Variants in SLC8A1 observed in about 807,000 individuals in gnomAD.
The protein encoded by SLC8A1 is solute carrier family 8 member A1, also known as sodium/calcium exchanger 1.
Under a neutral mutation model 68.3 loss-of-function variants are expected in SLC8A1, and 18 were observed. That is an observed-to-expected ratio of 0.26 (90% CI 0.18 to 0.39). The LOEUF (loss-of-function observed/expected upper bound fraction) is 0.39. Ranked by LOEUF, SLC8A1 falls within the 10% of genes least tolerant of loss-of-function variation. The probability of loss-of-function intolerance (pLI) is 1.00; values close to 1 mark genes in which losing one functional copy is unlikely to be tolerated. For synonymous variants in SLC8A1, 475 were observed against 415.5 expected, an observed-to-expected ratio of 1.14 and a Z score of -1.74; for missense variants, 985 against 1,156.7, an observed-to-expected ratio of 0.85 and a Z score of 2.15.
At chr2:40,197,291 G>T (rs556480791) in intron 2 of SLC8A1, among the ~76,000 whole-genome samples, 13 of 152,090 alleles carry the variant, frequency 8.5e-5, no homozygotes, top group African/African-American at 3.1e-4. Flanking sequence ...TATTTTCCCT[G>T]AGCTCAGAGA....
chr2:40,402,782 G>A (rs1003475525), intron 2 of SLC8A1, among the ~76,000 whole-genome samples: 2 of 152,170 alleles, frequency 1.3e-5, no homozygotes, highest in African/African-American at 4.8e-5. Flanking sequence ...AGGAAAGCTT[G>A]CAAGTGTCTG....
chr2:40,364,886 A>T (rs1012516227), intron 2 of SLC8A1, among the ~76,000 whole-genome samples: 1 of 152,064 alleles, frequency 6.6e-6, no homozygotes, highest in African/African-American at 2.4e-5. Context: ...TTTCTTGAGA[A>T]ATGACAGGGA....
At chr2:40,325,853 G>A (rs918528238) in intron 2 of SLC8A1, among the ~76,000 whole-genome samples, 4 of 149,782 alleles carry the variant, frequency 2.7e-5, no homozygotes, top group African/African-American at 9.8e-5. Flanking sequence ...ACTTGGGACT[G>A]ATATTCGATA....
chr2:40,343,856 A>C (rs771226148), intron 2 of SLC8A1, among the ~76,000 whole-genome samples: 1 of 152,204 alleles, frequency 6.6e-6, no homozygotes, highest in Admixed American at 6.5e-5. Flanking sequence ...TAATGATTGG[A>C]TGAGTCTTAC....
chr2:40,304,471 C>T (rs1192154708), intron 2 of SLC8A1, among the ~76,000 whole-genome samples: 4 of 152,154 alleles, frequency 2.6e-5, no homozygotes, highest in African/African-American at 9.7e-5. Context: ...CCTAATGAAC[C>T]TGAGCCACCC....
At chr2:40,181,865 T>A (rs546116889) in intron 2 of SLC8A1, among the ~76,000 whole-genome samples, 2 of 152,348 alleles carry the variant, frequency 1.3e-5, no homozygotes, top group South Asian at 4.1e-4. Flanking sequence ...GCCTAATGCA[T>A]GAAAGATACT....
chr2:40,166,402 C>T (rs554282086), intron 4 of SLC8A1, among the ~76,000 whole-genome samples: 1 of 152,276 alleles, frequency 6.6e-6, no homozygotes, highest in South Asian at 2.1e-4. Context: ...TTTATAGTGT[C>T]ATCCTAAAAG....
At chr2:40,416,054 TAAAAAAA>T (rs779668065) in intron 2 of SLC8A1, among the ~76,000 whole-genome samples, 2 of 116,248 alleles carry the variant, frequency 1.7e-5, no homozygotes, top group African/African-American at 6.5e-5. Context: ...GGCTCTGTTT[TAAAAAAA>T]AAAAAAAAAA....
rs76787423 is a variant in SLC8A1 at position 40,467,623 on chromosome 2, C to T, written c.-24-37319G>A. ...CTTAATTAAAGGTCATATAGTATGT[C>T]TTTCTATTTGACATTCGCATAAATA... is the stretch of plus-strand genomic sequence containing the variant. On this transcript the variant is annotated intron_variant, in intron 1 of 7. Coordinates refer to the SLC8A1 transcript ENST00000402441. 1.0e-2 allele frequency among the ~76,000 whole-genome samples: 1,518 copies of T among 152,160 alleles called. 30 individuals carry two copies. Among genetic ancestry groups the T allele is most frequent in the African/African-American group, 0.035 (1,461 of 41,536 alleles).
intron 1 of SLC8A1, among the ~76,000 whole-genome samples, chr2:40,468,785 C>T (rs564493556): frequency 1.3e-5 from 2 of 151,950 alleles, no homozygotes; most frequent in Non-Finnish European, 2.9e-5. Flanking sequence ...GACTTTAAAG[C>T]CTTTCCTGGG....
chr2:40,405,690 C>G (rs746668274), intron 2 of SLC8A1, among the ~76,000 whole-genome samples: 1 of 152,162 alleles, frequency 6.6e-6, no homozygotes, highest in East Asian at 1.9e-4. Context: ...CTTCAACTGA[C>G]TCAGTCTTTA....
In SLC8A1 at chr2:40,276,681, G is replaced by A. The variant is rs189973128; in HGVS notation, c.1809-98826C>T. Among the ~76,000 whole-genome samples, 40 of 152,238 alleles carry A rather than the reference G, an allele frequency of 2.6e-4. No individual in the cohort carries two copies. In the East Asian group the frequency reaches 7.3e-3, roughly 28 times the overall value. ...CTTCTTTCCTTGACTTATTTGGTGT[G>A]TTTATGGTTTCAGGAAACTATCACC... On this transcript the variant is annotated intron_variant, in intron 2 of 7. Coordinates refer to ENST00000406785, the Ensembl canonical transcript of SLC8A1.
chr2:40,263,284 A>C (rs1191980094), intron 2 of SLC8A1, among the ~76,000 whole-genome samples: 1 of 152,260 alleles, frequency 6.6e-6, no homozygotes, highest in Non-Finnish European at 1.5e-5. Context: ...AATGCAGTGC[A>C]TTTTTAGCAT....
At chr2:40,434,556 C>G (rs1387202481) in intron 1 of SLC8A1, among the ~76,000 whole-genome samples, 1 of 152,122 alleles carries the variant, frequency 6.6e-6, no homozygotes, top group Admixed American at 6.6e-5. Flanking sequence ...AGAATAGAGA[C>G]TGTGGATATG....
intron 2 of SLC8A1, among the ~76,000 whole-genome samples, chr2:40,314,448 C>T (rs568384137): frequency 2.6e-5 from 4 of 151,564 alleles, no homozygotes; most frequent in Admixed American, 2.0e-4. Context: ...TCCTTTTGTT[C>T]TTTTTTTCCA....
intron 2 of SLC8A1, 106 bp downstream of exon 2, chr2:40,428,367 G>A (rs1303478078): frequency 7.8e-6 from 11 of 1,411,086 alleles, no homozygotes; most frequent in Non-Finnish European, 1.0e-5. Flanking sequence ...TCCATTCCTT[G>A]CATGCTATTT....
intron 2 of SLC8A1, among the ~76,000 whole-genome samples, chr2:40,292,628 G>C (rs1457818448): frequency 6.6e-6 from 1 of 152,190 alleles, no homozygotes; most frequent in Non-Finnish European, 1.5e-5. Flanking sequence ...CCACAGGAGT[G>C]ACTGTGATCT....
At chr2:40,234,283 G>T (rs1279576660) in intron 2 of SLC8A1, among the ~76,000 whole-genome samples, 1 of 151,340 alleles carries the variant, frequency 6.6e-6, no homozygotes, top group African/African-American at 2.4e-5. Flanking sequence ...CTTGAGCAGT[G>T]GTTTGTAGTT....
chr2:40,259,746 G>A (rs971510825), intron 2 of SLC8A1, among the ~76,000 whole-genome samples: 11 of 152,030 alleles, frequency 7.2e-5, no homozygotes, highest in African/African-American at 2.4e-4. Context: ...TTTTCCTTAG[G>A]TTTATTTTGA....
Sources: gnomAD v4.1 joint callset for allele counts (sites outside exome capture counted in the v4.1 genomes callset) on GRCh38, gnomAD v4.1.1 for gene constraint, MANE v1.5 for transcripts, NCBI Gene and HGNC (gene_info 2026-07-23, HGNC 2026-07-21) for gene names.